Variants in GALNTL6 observed in about 807,000 individuals in gnomAD.
GALNTL6 encodes the protein polypeptide N-acetylgalactosaminyltransferase like 6.
In GALNTL6, 46 loss-of-function variants were observed where a neutral mutation model predicts 73.7. The ratio of observed to expected loss-of-function variants is 0.62; its 90% CI spans 0.49 to 0.80. The LOEUF is 0.80. GALNTL6 is among the 30% of genes least tolerant of loss of function. The pLI is 0.00. For synonymous variants in GALNTL6, 259 were observed against 263.7 expected (o/e 0.98, Z 0.17); for missense variants, 604 against 755.0 (o/e 0.80, Z 2.34).
intron 2 of GALNTL6, among the ~76,000 whole-genome samples, chr4:171,895,988 C>T (rs1258524247): frequency 6.6e-6 from 1 of 151,090 alleles, no homozygotes; most frequent in Non-Finnish European, 1.5e-5. Context: ...CAGTAAACCT[C>T]AAAATAGATC....
intron 5 of GALNTL6, among the ~76,000 whole-genome samples, chr4:172,469,256 C>G (rs1275425959): frequency 6.6e-6 from 1 of 152,120 alleles, no homozygotes; most frequent in African/African-American, 2.4e-5. Context: ...GGTAGATTAT[C>G]TTGGAAAGTC....
At chr4:172,620,302 C>CAATA (rs3084300) in intron 5 of GALNTL6, among the ~76,000 whole-genome samples, 55,433 of 151,736 alleles carry the variant, frequency 0.37, 11,177 homozygotes, top group African/African-American at 0.52. Flanking sequence ...TGTTTCTGTT[C>CAATA]TGTAGGTAAG....
chr4:172,216,387 A>G (rs1180015123), intron 2 of GALNTL6, among the ~76,000 whole-genome samples: 1 of 151,436 alleles, frequency 6.6e-6, no homozygotes, highest in Non-Finnish European at 1.5e-5. Context: ...TTACTTGCAT[A>G]GTTTCTAAAA....
intron 5 of GALNTL6, among the ~76,000 whole-genome samples, chr4:172,714,105 G>A (rs1315746587): frequency 1.3e-5 from 2 of 152,140 alleles, no homozygotes; most frequent in Non-Finnish European, 2.9e-5. Flanking sequence ...TGACAGACTG[G>A]TCCCCAGGAA....
chr4:172,399,324 A>G (rs1261645609), intron 5 of GALNTL6, among the ~76,000 whole-genome samples: 1 of 152,082 alleles, frequency 6.6e-6, no homozygotes, highest in Non-Finnish European at 1.5e-5. Flanking sequence ...ATTTTTGGCT[A>G]GCCTATATTT....
At chr4:172,719,917 A>C (rs1224915848) in intron 5 of GALNTL6, among the ~76,000 whole-genome samples, 1 of 152,136 alleles carries the variant, frequency 6.6e-6, no homozygotes, top group Non-Finnish European at 1.5e-5. Context: ...CTTTTTAGAC[A>C]ATATTAGGTA....
At chr4:172,281,357 A>T (rs551722420) in intron 3 of GALNTL6, among the ~76,000 whole-genome samples, 2 of 152,152 alleles carry the variant, frequency 1.3e-5, no homozygotes, top group East Asian at 3.9e-4. Context: ...CCTCTGCTTT[A>T]GTTGTCACAT....
At chr4:172,156,551 A>ATATAGTG (rs1734288517) in intron 2 of GALNTL6, among the ~76,000 whole-genome samples, 1 of 134,622 alleles carries the variant, frequency 7.4e-6, no homozygotes, top group African/African-American at 3.0e-5. Flanking sequence ...ATATATATAT[A>ATATAGTG]TATATATATA....
chr4:171,875,299 C>A (rs898146987), intron 2 of GALNTL6, among the ~76,000 whole-genome samples: 2 of 152,136 alleles, frequency 1.3e-5, no homozygotes, highest in African/African-American at 4.8e-5. Context: ...ATGGACTGAC[C>A]GGGCTGGGAG....
chr4:172,035,362 G>C (rs1741901852), intron 2 of GALNTL6, among the ~76,000 whole-genome samples: 1 of 152,010 alleles, frequency 6.6e-6, no homozygotes, highest in Non-Finnish European at 1.5e-5. Flanking sequence ...GACTCCTCAA[G>C]CCAGTAATAT....
intron 5 of GALNTL6, among the ~76,000 whole-genome samples, chr4:172,518,224 C>T (rs1212783165): frequency 6.6e-6 from 1 of 151,776 alleles, no homozygotes; most frequent in Non-Finnish European, 1.5e-5. Context: ...ATAATTTTTT[C>T]ATCTATTTTT....
At chr4:172,982,640 A>G (rs1395525471) in intron 10 of GALNTL6, among the ~76,000 whole-genome samples, 3 of 152,186 alleles carry the variant, frequency 2.0e-5, no homozygotes, top group Non-Finnish European at 4.4e-5. Flanking sequence ...ACTATAAATT[A>G]CCTATGTATT....
intron 4 of GALNTL6, among the ~76,000 whole-genome samples, chr4:172,347,853 T>TA (rs1472531273): frequency 2.0e-5 from 3 of 152,184 alleles, no homozygotes; most frequent in Non-Finnish European, 4.4e-5. Context: ...ATTTTAAAAA[T>TA]ACTTCTTTTT....
At chr4:171,882,779 C>G (rs1036340004) in intron 2 of GALNTL6, among the ~76,000 whole-genome samples, 1 of 152,230 alleles carries the variant, frequency 6.6e-6, no homozygotes, top group Non-Finnish European at 1.5e-5. Context: ...GCAACACCCT[C>G]ACAGCCACCC....
intron 2 of GALNTL6, among the ~76,000 whole-genome samples, chr4:171,959,971 T>C (rs561820015): frequency 2.0e-5 from 3 of 152,210 alleles, no homozygotes; most frequent in Admixed American, 6.5e-5. Context: ...ATAAACTTAT[T>C]TATTTTCCAA....
chr4:172,201,581 ATTG>A (rs755172277), intron 2 of GALNTL6, among the ~76,000 whole-genome samples: 1 of 151,412 alleles, frequency 6.6e-6, no homozygotes, highest in Admixed American at 6.6e-5. Flanking sequence ...CTCTATTGGT[ATTG>A]TTGTTATTAA....
intron 5 of GALNTL6, among the ~76,000 whole-genome samples, chr4:172,604,136 A>G (rs188690625): frequency 3.3e-5 from 5 of 152,272 alleles, no homozygotes. Context: ...ATCATTCTTT[A>G]TGCTGCTATG....
intron 2 of GALNTL6, among the ~76,000 whole-genome samples, chr4:171,860,599 T>G (rs1560817197): frequency 6.6e-6 from 1 of 152,178 alleles, no homozygotes; most frequent in Non-Finnish European, 1.5e-5. Context: ...CTTCACATGT[T>G]TAACATTTTT....
chr4:172,142,948 G>C (rs1733838926), intron 2 of GALNTL6, among the ~76,000 whole-genome samples: 1 of 151,718 alleles, frequency 6.6e-6, no homozygotes, highest in South Asian at 2.1e-4. Context: ...TTATAAATTG[G>C]TTATGAACAT....
Sources: gnomAD v4.1 joint callset for allele counts (sites outside exome capture counted in the v4.1 genomes callset) on GRCh38, gnomAD v4.1.1 for gene constraint, MANE v1.5 for transcripts, NCBI Gene and HGNC (gene_info 2026-07-23, HGNC 2026-07-21) for gene names.